INPP5A: variants seen among roughly 807,000 people sequenced by gnomAD.
INPP5A encodes 43 kDa inositol polyphosphate 5-phophatase.
Under a neutral mutation model 65.2 loss-of-function variants are expected in INPP5A, and 14 were observed. The ratio of observed to expected loss-of-function variants is 0.21; its 90% CI spans 0.14 to 0.34. INPP5A has a LOEUF of 0.34. Ranked by LOEUF, INPP5A falls within the 10% of genes least tolerant of loss-of-function variation. INPP5A has a pLI of 1.00. For synonymous variants in INPP5A, 207 were observed against 208.3 expected (o/e 0.99, Z 0.05); for missense variants, 431 against 545.6 (o/e 0.79, Z 2.09).
chr10:132,538,154 G>A lies in INPP5A; in HGVS notation c.58G>A (p.Gly20Ser). The change falls in exon 1 of 16, where the codon GGC becomes AGC. Residue 20 changes from glycine (G) to serine (S), a missense_variant. Physicochemically the swap from Gly to Ser is moderately conservative, Grantham distance 56. Transcript: ENST00000368594. The surrounding 1 kb of genome is among the most constrained non-coding windows in gnomAD (Gnocchi z 4.1). ...GGTGCTGCTGGTCACGGCCAACGTG[G>A]GCTCGCTCTTCGACGACGTAAGTCC... is the stretch of plus-strand genomic sequence containing the variant. ...TAVLLVTANV[G>S]SLFDDPENLQ... 1 of 1,282,128 alleles carries A rather than the reference G, an allele frequency of 7.8e-7. No homozygotes were observed. Among genetic ancestry groups the A allele is most frequent in the South Asian group, 2.6e-5 (1 of 38,654 alleles). The allele number at this position is 1,282,128 out of a possible 1,614,324, so 79.4% of individuals were successfully genotyped here. A position where few individuals can be genotyped will look rare whatever the true frequency, so the allele number is the denominator to read the frequency against.
intron 12 of INPP5A, among the ~76,000 whole-genome samples, chr10:132,777,390 A>G (rs1010474989): frequency 1.3e-5 from 2 of 152,262 alleles, no homozygotes; most frequent in Non-Finnish European, 2.9e-5. Context: ...CAAAAAACCA[A>G]CAAAAACCAA....
At chr10:132,719,654 G>A (rs1406198353) in intron 8 of INPP5A, among the ~76,000 whole-genome samples, 1 of 147,412 alleles carries the variant, frequency 6.8e-6, no homozygotes, top group Non-Finnish European at 1.5e-5. Context: ...GTGGTACCTG[G>A]GTTCTGTCTG....
At chr10:132,640,091 A>G (rs1025561577) in intron 2 of INPP5A, among the ~76,000 whole-genome samples, 5 of 152,126 alleles carry the variant, frequency 3.3e-5, no homozygotes, top group Non-Finnish European at 7.3e-5. Context: ...TTTCTATTAA[A>G]TGTGGGCCAT....
At chr10:132,618,126 G>A (rs1272847550) in intron 2 of INPP5A, among the ~76,000 whole-genome samples, 1 of 152,058 alleles carries the variant, frequency 6.6e-6, no homozygotes, top group Admixed American at 6.5e-5. Flanking sequence ...AAAATGAATA[G>A]GTACTTATTC....
chr10:132,561,395 G>C (rs1052406727), intron 1 of INPP5A, among the ~76,000 whole-genome samples: 1 of 151,432 alleles, frequency 6.6e-6, no homozygotes, highest in Non-Finnish European at 1.5e-5. Context: ...TGTGAGGTAG[G>C]GGTCTTCATT....
At chr10:132,586,227 G>A (rs1449686477) in intron 1 of INPP5A, among the ~76,000 whole-genome samples, 1 of 152,186 alleles carries the variant, frequency 6.6e-6, no homozygotes, top group Non-Finnish European at 1.5e-5. Context: ...AGCAGACTTC[G>A]GGCCTTCTCC....
rs546462472 is a variant in INPP5A, at chr10:132,772,639, C to T, written c.978-5032C>T. Among the ~76,000 whole-genome samples, 1,175 of 118,610 alleles carry T rather than the reference C, an allele frequency of 9.9e-3. 15 individuals carry two copies. Among genetic ancestry groups the T allele is most frequent in the Non-Finnish European group, 0.015 (792 of 53,814 alleles). The allele number at this position is 118,610 out of a possible 152,430, so 77.8% of individuals were successfully genotyped here. ...GGCAGCCACCCCACGAAGAGTGGGA[C>T]GGACACTCAGCACTGACACAGAGGC... is the stretch of plus-strand genomic sequence containing the variant. On this transcript the variant is annotated intron_variant, in intron 12 of 15. Transcript: ENST00000368594.
chr10:132,671,924 G>T (rs1234842772), intron 4 of INPP5A, among the ~76,000 whole-genome samples: 1 of 152,186 alleles, frequency 6.6e-6, no homozygotes, highest in Non-Finnish European at 1.5e-5. Flanking sequence ...CGCAGGAAAG[G>T]CCAGCTTCAG....
rs1036567544 is a variant in INPP5A at position 132,645,752 on chromosome 10, C to T, written c.118-116C>T. The T allele has an allele frequency of 6.9e-6, 5 of 729,310 alleles. No homozygotes were observed. In the Admixed American group the frequency reaches 9.4e-5, roughly 14 times the overall value. 45.2% of individuals were successfully genotyped at this position (729,310 alleles called of 1,614,324 possible). A position where few individuals can be genotyped will look rare whatever the true frequency, so the allele number is the denominator to read the frequency against. On this transcript the variant is annotated intron_variant, in intron 2 of 15. Transcript: ENST00000368594. ...AACCCATGGTCGCAGACATGGGGCC[C>T]CGTCTCTGCCAGACCCTGGTGGCTC...
In INPP5A at chr10:132,777,766, A is replaced by G. The variant is rs1274049327; in HGVS notation, c.1073A>G (p.Lys358Arg). 3.7e-6 allele frequency: 6 copies of G among 1,612,950 alleles called. No homozygotes were observed. The highest frequency in any genetic ancestry group is 5.1e-6 in the Non-Finnish European group (6 of 1,179,956). The change falls in exon 13 of 16, where the codon AAG (lysine) becomes AGG (arginine). Residue 358 changes from lysine (K) to arginine (R), a missense_variant. Lys to Arg is a conservative substitution (Grantham distance 26). Transcript: ENST00000368594. ...CGCATCCTCATGTCCCCGTCTGCCA[A>G]GGAGCTGGTGCTGCGGGTGAGTGTG... ...CDRILMSPSA[K>R]ELVLRSESEE... is the part of the protein sequence containing the mutation.
intron 2 of INPP5A, among the ~76,000 whole-genome samples, chr10:132,640,074 G>A (rs986636163): frequency 2.0e-5 from 3 of 152,196 alleles, no homozygotes; most frequent in African/African-American, 7.2e-5. Flanking sequence ...GCATCTGTCT[G>A]TCATTCTTTC....
chr10:132,780,821 C>T, intron 13 of INPP5A, 28 bp from the exon 14 acceptor site: 6 of 1,607,086 alleles, frequency 3.7e-6, no homozygotes, highest in Non-Finnish European at 4.3e-6. Context: ...CACCTCCCCA[C>T]ACTCACCTGT....
Position 132,587,013 on chromosome 10 carries a change from T to C in INPP5A, c.76-20902T>C, listed in dbSNP as rs1032379292. On this transcript the variant is annotated intron_variant, in intron 1 of 15. Coordinates refer to ENST00000368594, the MANE Select transcript of INPP5A (RefSeq NM_005539.5). This position sits in a 1 kb window ranked among gnomAD's most constrained non-coding sequence, Gnocchi z 4.3. ...ATGTCATCATTCCCCGTCCCCTGGG[T>C]GGCCCCTCCCCCGCCATCGTTACGC... 1.3e-5 allele frequency among the ~76,000 whole-genome samples: 2 copies of C among 152,194 alleles called. No individual in the cohort carries two copies. The highest frequency in any genetic ancestry group is 2.9e-5 in the Non-Finnish European group (2 of 68,030).
chr10:132,601,703 G>A (rs906117024), intron 1 of INPP5A, among the ~76,000 whole-genome samples: 1 of 152,110 alleles, frequency 6.6e-6, no homozygotes, highest in Non-Finnish European at 1.5e-5. Context: ...TTTTGCATGC[G>A]GTTATCCAGT....
chr10:132,751,184 T>C (rs1755016052), intron 11 of INPP5A, among the ~76,000 whole-genome samples: 1 of 152,166 alleles, frequency 6.6e-6, no homozygotes, highest in Non-Finnish European at 1.5e-5. Flanking sequence ...CTGCCCCTCA[T>C]CAACCCAGAG....
chr10:132,565,830 CATGTGTGT>C (rs1283285612), intron 1 of INPP5A, among the ~76,000 whole-genome samples: 1 of 149,636 alleles, frequency 6.7e-6, no homozygotes, highest in Non-Finnish European at 1.5e-5. Flanking sequence ...TGTATGTGTG[CATGTGTGT>C]ATGTGAATGT....
chr10:132,745,134 G>A (rs1418671437), intron 9 of INPP5A, among the ~76,000 whole-genome samples: 1 of 152,220 alleles, frequency 6.6e-6, no homozygotes, highest in African/African-American at 2.4e-5. Context: ...GTGACGTGGT[G>A]GGAGGGCGCT....
At position 132,683,733 on chromosome 10, in the gene INPP5A, CAA is replaced by C. The variant is rs1414855377; in HGVS notation, c.307-6657_307-6656del. On this transcript the variant is annotated intron_variant, in intron 4 of 15. Coordinates refer to ENST00000368594, the MANE Select transcript of INPP5A (RefSeq NM_005539.5). ...GGGTTTTTTGTTTGTTTGTTTGAGA[CAA>C]AGTCTCACTTGCTCTGTCGCCCAGG... Among the ~76,000 whole-genome samples the C allele has an allele frequency of 2.0e-5, 3 of 152,184 alleles. No homozygotes were observed. The East Asian group carries it at 5.8e-4, about 29-fold the overall frequency.
chr10:132,578,383 A>G (rs1010926711), intron 1 of INPP5A, among the ~76,000 whole-genome samples: 8 of 151,512 alleles, frequency 5.3e-5, no homozygotes, highest in African/African-American at 1.9e-4. Flanking sequence ...CATGTGGAGC[A>G]CCTCGGCCGG....
Sources: allele counts gnomAD v4.1 joint callset (sites outside exome capture counted in the v4.1 genomes callset), GRCh38; gene constraint gnomAD v4.1.1; non-coding constraint Gnocchi (gnomAD v3.1); transcripts MANE v1.5; gene names NCBI Gene and HGNC (gene_info 2026-07-23, HGNC 2026-07-21).